RPH3A: variants seen among roughly 807,000 people sequenced by gnomAD.
RPH3A encodes the protein rabphilin-3A.
In RPH3A, 48 loss-of-function variants were observed where a neutral mutation model predicts 102.2. The ratio of observed to expected loss-of-function variants is 0.47; its 90% CI spans 0.37 to 0.60. The LOEUF (loss-of-function observed/expected upper bound fraction) is 0.60, where lower values mean the gene tolerates loss of function less well. Among genes scored for constraint, RPH3A ranks in the 20% least tolerant of loss-of-function variants. The pLI is 0.00. For missense variants in RPH3A, 781 were observed against 910.1 expected, an observed-to-expected ratio of 0.86 and a Z score of 1.83; for synonymous variants, 310 against 324.3, an observed-to-expected ratio of 0.96 and a Z score of 0.47.
intron 1 of RPH3A, among the ~76,000 whole-genome samples, chr12:112,713,820 C>T (rs762812783): frequency 5.3e-5 from 8 of 152,092 alleles, no homozygotes; most frequent in Non-Finnish European, 7.4e-5. Flanking sequence ...TTCTTTGTTT[C>T]GAATTAGTTA....
At chr12:112,592,782 G>A (rs377100587) in intron 1 of RPH3A, among the ~76,000 whole-genome samples, 19 of 152,118 alleles carry the variant, frequency 1.2e-4, no homozygotes, top group Non-Finnish European at 2.1e-4. Context: ...AGGTGGTCCC[G>A]GCACTTCTCC....
chr12:112,664,171 G>A (rs867909803), intron 1 of RPH3A, among the ~76,000 whole-genome samples: 14 of 152,146 alleles, frequency 9.2e-5, no homozygotes, highest in African/African-American at 2.9e-4. Flanking sequence ...GGGTACAAGC[G>A]AAATGCTGGG....
chr12:112,875,616 G>C, intron 11 of RPH3A, 63 bp from the exon 12 acceptor site: 1 of 1,418,638 alleles, frequency 7.0e-7, no homozygotes, highest in South Asian at 1.2e-5. Flanking sequence ...AAAGGAAAAG[G>C]TGAACCCCCA....
rs924266671 is a variant in RPH3A, at chr12:112,857,579, C to T, written c.231-7835C>T. Among the ~76,000 whole-genome samples the T allele has an allele frequency of 1.8e-4, 28 of 152,216 alleles. 1 individual carries two copies. The highest frequency in any genetic ancestry group is 5.5e-4 in the African/African-American group (23 of 41,532). On this transcript the variant is annotated intron_variant, in intron 5 of 21. Transcript: ENST00000389385. ...TGACTTCTAGAAACTGGAAAAGGCC[C>T]GGGAACAGATTCTCTCCTAGAGCCT... is the stretch of plus-strand genomic sequence containing the variant.
At position 112,875,673 on chromosome 12, in the gene RPH3A, G is replaced by A; in HGVS notation, c.884-6G>A. The A allele has an allele frequency of 6.2e-7, 1 of 1,613,202 alleles. No homozygotes were observed. The highest frequency in any genetic ancestry group is 8.5e-7 in the Non-Finnish European group (1 of 1,179,434). ...GCATCTCTGTTTGTCTCCTCTCCCT[G>A]CTCAGGGACCCCAGGAGGAAGCAGA... On this transcript the variant is annotated splice_region_variant and splice_polypyrimidine_tract_variant and intron_variant, in intron 11 of 21. Coordinates refer to ENST00000389385, the MANE Select transcript of RPH3A (RefSeq NM_001143854.2).
At chr12:112,881,609 A>G (rs1205774584) in intron 14 of RPH3A, among the ~76,000 whole-genome samples, 163 bp from the exon 15 acceptor site, 1 of 152,118 alleles carries the variant, frequency 6.6e-6, no homozygotes, top group African/African-American at 2.4e-5. Flanking sequence ...CCATCCCAGT[A>G]CTCTTTCCAT....
intron 1 of RPH3A, among the ~76,000 whole-genome samples, chr12:112,698,866 C>T (rs2040371600): frequency 1.4e-5 from 2 of 146,686 alleles, no homozygotes; most frequent in South Asian, 2.4e-4. Flanking sequence ...CCTTCCCCTT[C>T]CCCTTCCCCT....
chr12:112,663,740 T>C (rs1403206568), intron 1 of RPH3A, among the ~76,000 whole-genome samples: 1 of 152,126 alleles, frequency 6.6e-6, no homozygotes, highest in African/African-American at 2.4e-5. Context: ...TCCAGACCAA[T>C]ACACCCCCAG....
At chr12:112,648,370 C>T (rs2039946990) in intron 1 of RPH3A, among the ~76,000 whole-genome samples, 1 of 151,422 alleles carries the variant, frequency 6.6e-6, no homozygotes, top group Admixed American at 6.6e-5. Context: ...TTAATATACA[C>T]ACTGTGCAAA....
At chr12:112,605,373 TCAAACAAA>T (rs535018938) in intron 1 of RPH3A, among the ~76,000 whole-genome samples, 34 of 151,990 alleles carry the variant, frequency 2.2e-4, no homozygotes, top group Admixed American at 1.8e-3. Flanking sequence ...AGACTCCATC[TCAAACAAA>T]CAAACAAACA....
rs568800688 is a variant in RPH3A, at chr12:112,634,405, A to C, written c.-140+59086A>C. Among the ~76,000 whole-genome samples the C allele has an allele frequency of 1.5e-5, 2 of 136,978 alleles. 1 individual carries two copies. The highest frequency in any genetic ancestry group is 1.5e-4 in the Admixed American group (2 of 13,406). The allele number at this position is 136,978 out of a possible 152,430, so 89.9% of individuals were successfully genotyped here. A position where few individuals can be genotyped will look rare whatever the true frequency, so the allele number is the denominator to read the frequency against. ...ACAAACAAACAAACAAAATACAAAA[A>C]GTTAGCCAGGCGTGGTGGCGGGCAC... On this transcript the variant is annotated intron_variant, in intron 1 of 21. Transcript: ENST00000543106.
At position 112,791,867 on chromosome 12, in the gene RPH3A, G is replaced by GGGGAGAGAGAGAGAGAGAGAGAGA. The variant is rs1555209147; in HGVS notation, c.-284_-283insGGAGAGAGAGAGAGAGAGAGAGAG. The GGGGAGAGAGAGAGAGAGAGAGAGA allele has an allele frequency of 4.3e-4, 21 of 48,506 alleles. 1 individual carries two copies. The highest frequency in any genetic ancestry group is 1.4e-3 in the African/African-American group (15 of 10,428). The allele number at this position is 48,506 out of a possible 1,614,324, so 3.0% of individuals were successfully genotyped here. On this transcript the variant is annotated 5_prime_UTR_variant, in exon 1 of 22. Coordinates refer to ENST00000389385, the MANE Select transcript of RPH3A (RefSeq NM_001143854.2). ...CGCGGACTGGAAAGGAAGGGAGAAGGGAGAGAGAGAGAGAGAGAGAGAGAG... is the reference window on the plus strand; with the variant it reads ...CGCGGACTGGAAAGGAAGGGAGAAGGGGGAGAGAGAGAGAGAGAGAGAGAGAGAGAGAGAGAGAGAGAGAGAGAG...
chr12:112,790,393 G>T (rs2041086231), upstream of RPH3A, among the ~76,000 whole-genome samples: 1 of 152,132 alleles, frequency 6.6e-6, no homozygotes, highest in Non-Finnish European at 1.5e-5. Context: ...TTTTAAATGA[G>T]CTCTAAATGT....
At chr12:112,787,038 C>T (rs1340935863), upstream of RPH3A, among the ~76,000 whole-genome samples, 1 of 152,116 alleles carries the variant, frequency 6.6e-6, no homozygotes, top group Admixed American at 6.6e-5. Context: ...CATCTTCATA[C>T]CTCTCCCTAC....
chr12:112,612,010 C>G (rs774382372), intron 1 of RPH3A, among the ~76,000 whole-genome samples: 19 of 152,160 alleles, frequency 1.2e-4, no homozygotes, highest in Non-Finnish European at 2.1e-4. Context: ...TTCCTCTGAT[C>G]TTGTGTGGCA....
At chr12:112,652,338 G>T (rs938742406) in intron 1 of RPH3A, among the ~76,000 whole-genome samples, 2 of 152,216 alleles carry the variant, frequency 1.3e-5, no homozygotes, top group African/African-American at 4.8e-5. Context: ...TTAGCTGGGT[G>T]TGGTAGCGCT....
intron 1 of RPH3A, among the ~76,000 whole-genome samples, chr12:112,753,133 T>C (rs910683838): frequency 6.6e-6 from 1 of 152,206 alleles, no homozygotes; most frequent in African/African-American, 2.4e-5. Context: ...ATGTAATCTC[T>C]GTCCTCAGAA....
chr12:112,712,942 CT>C (rs2040478935), intron 1 of RPH3A, among the ~76,000 whole-genome samples: 3 of 114,216 alleles, frequency 2.6e-5, no homozygotes, highest in Non-Finnish European at 5.7e-5. Flanking sequence ...TCTTCTTCTT[CT>C]TCTTCTTCTT....
intron 1 of RPH3A, among the ~76,000 whole-genome samples, chr12:112,653,571 T>A (rs1360236475): frequency 6.6e-6 from 1 of 152,072 alleles, no homozygotes; most frequent in Non-Finnish European, 1.5e-5. Context: ...ACTTAATTTA[T>A]TTAAAAATTT....
Sources: allele counts gnomAD v4.1 joint callset (sites outside exome capture counted in the v4.1 genomes callset), GRCh38; gene constraint gnomAD v4.1.1; transcripts MANE v1.5; gene names NCBI Gene and HGNC (gene_info 2026-07-23, HGNC 2026-07-21).